CLASP1: variants seen among roughly 807,000 people sequenced by gnomAD.
CLASP1 encodes CLIP-associating protein 1.
CLASP1 carries 38 observed loss-of-function variants against 192.3 expected under a neutral mutation model. The ratio of observed to expected loss-of-function variants is 0.20; its 90% confidence interval spans 0.15 to 0.26. CLASP1 has a LOEUF of 0.26. Among genes scored for constraint, CLASP1 ranks in the 10% least tolerant of loss-of-function variants. The probability of loss-of-function intolerance (pLI) is 1.00; values close to 1 mark genes in which losing one functional copy is unlikely to be tolerated. For synonymous variants in CLASP1, 691 were observed against 712.8 expected, an observed-to-expected ratio of 0.97 and a Z score of 0.49; for missense variants, 1,433 against 1,932.5, an observed-to-expected ratio of 0.74 and a Z score of 4.85.
intron 2 of CLASP1, among the ~76,000 whole-genome samples, chr2:121,586,264 T>C (rs2061703387): frequency 6.6e-6 from 1 of 152,086 alleles, no homozygotes; most frequent in Non-Finnish European, 1.5e-5. Context: ...GTAGCTGGGA[T>C]TCCAGGCACA....
chr2:121,515,616 G>C, intron 7 of CLASP1, 49 bp downstream of exon 7: 1 of 1,384,770 alleles, frequency 7.2e-7, no homozygotes, highest in Non-Finnish European at 1.0e-6. Flanking sequence ...GAAAACAAAG[G>C]GGGCGGGGGG....
chr2:121,497,038 T>C (rs973422426), intron 8 of CLASP1, among the ~76,000 whole-genome samples: 2 of 149,588 alleles, frequency 1.3e-5, no homozygotes, highest in African/African-American at 2.5e-5. Context: ...CTCACAAAGG[T>C]AGAGATTAGA....
chr2:121,642,629 G>A (rs1476575346), intron 1 of CLASP1, among the ~76,000 whole-genome samples: 1 of 152,100 alleles, frequency 6.6e-6, no homozygotes, highest in Non-Finnish European at 1.5e-5. Flanking sequence ...CTACATGGGA[G>A]GCTGAGGCAG....
At chr2:121,585,741 T>C (rs977393648) in intron 2 of CLASP1, among the ~76,000 whole-genome samples, 13 of 151,706 alleles carry the variant, frequency 8.6e-5, no homozygotes, top group Admixed American at 8.5e-4. Context: ...CTACTAAAAA[T>C]ACAAAATTAG....
intron 19 of CLASP1, among the ~76,000 whole-genome samples, chr2:121,444,658 G>A (rs957964240): frequency 6.6e-6 from 1 of 152,158 alleles, no homozygotes; most frequent in Non-Finnish European, 1.5e-5. Context: ...TGACATCAAT[G>A]CTCCTCCCCA....
At chr2:121,405,065 T>A (rs1481850016) in intron 25 of CLASP1, among the ~76,000 whole-genome samples, 1 of 152,210 alleles carries the variant, frequency 6.6e-6, no homozygotes, top group Non-Finnish European at 1.5e-5. Context: ...TCCCAGCACT[T>A]TGGGAGGCCA....
At chr2:121,580,387 T>C (rs2060994459) in intron 2 of CLASP1, among the ~76,000 whole-genome samples, 1 of 152,234 alleles carries the variant, frequency 6.6e-6, no homozygotes, top group Non-Finnish European at 1.5e-5. Flanking sequence ...TATAAAATAA[T>C]GTATGCCTAT....
intron 8 of CLASP1, among the ~76,000 whole-genome samples, chr2:121,487,241 C>T (rs952649364): frequency 6.6e-6 from 1 of 152,192 alleles, no homozygotes; most frequent in Non-Finnish European, 1.5e-5. Flanking sequence ...TGAGGCCAAC[C>T]TAATTCGGGT....
At chr2:121,347,081 C>T in exon 39 of CLASP1, 3 of 1,585,872 alleles carry the variant, frequency 1.9e-6, no homozygotes, top group Non-Finnish European at 2.6e-6. Flanking sequence ...CAGGTCTTCT[C>T]CGATTACGGA....
chr2:121,399,866 C>T lies in CLASP1; in HGVS notation c.2901-1466G>A, dbSNP rs143646962. Among the ~76,000 whole-genome samples the T allele has an allele frequency of 6.6e-5, 10 of 152,302 alleles. No homozygotes were observed. In the East Asian group the frequency reaches 1.9e-3, roughly 29 times the overall value. ...TAAGCGACCTACAGGCCAAGTCTGG[C>T]TCACATGTGTTTTATTTGGCCTTCA... On this transcript the variant is annotated intron_variant, in intron 28 of 39. Coordinates refer to ENST00000263710, the Ensembl canonical transcript of CLASP1.
chr2:121,342,733 T>C (rs960945648), intron 39 of CLASP1, among the ~76,000 whole-genome samples: 2 of 152,012 alleles, frequency 1.3e-5, no homozygotes, highest in Non-Finnish European at 2.9e-5. Context: ...TTGAAACCAG[T>C]TCAAGACCAG....
chr2:121,639,879 A>G (rs2071695686), intron 1 of CLASP1, among the ~76,000 whole-genome samples: 2 of 151,892 alleles, frequency 1.3e-5, no homozygotes, highest in African/African-American at 2.4e-5. Flanking sequence ...AAAAAAAAAA[A>G]AAAGGATTAT....
At chr2:121,391,829 G>A (rs2074406372) in intron 30 of CLASP1, among the ~76,000 whole-genome samples, 1 of 152,138 alleles carries the variant, frequency 6.6e-6, no homozygotes, top group Non-Finnish European at 1.5e-5. Context: ...GCTGGAACCT[G>A]GGAGGTGGAG....
intron 7 of CLASP1, among the ~76,000 whole-genome samples, chr2:121,513,508 G>A (rs1055811210): frequency 6.6e-6 from 1 of 152,044 alleles, no homozygotes; most frequent in African/African-American, 2.4e-5. Flanking sequence ...AGCTGGAAAA[G>A]GTGGCTTTAA....
At chr2:121,597,025 G>GACCT (rs1258820327) in intron 2 of CLASP1, among the ~76,000 whole-genome samples, 2 of 152,154 alleles carry the variant, frequency 1.3e-5, no homozygotes, top group Admixed American at 1.3e-4. Context: ...AGACTGGACA[G>GACCT]ACCTAGACAG....
chr2:121,456,996 T>C (rs753743291), intron 14 of CLASP1, among the ~76,000 whole-genome samples: 2 of 152,238 alleles, frequency 1.3e-5, no homozygotes, highest in African/African-American at 2.4e-5. Context: ...AGAGGGTTCA[T>C]AGATTTTAAA....
intron 25 of CLASP1, among the ~76,000 whole-genome samples, chr2:121,406,567 C>T (rs2076938813): frequency 6.6e-6 from 1 of 152,050 alleles, no homozygotes; most frequent in Non-Finnish European, 1.5e-5. Context: ...AGAAGGGAAC[C>T]AAATATGGGG....
intron 8 of CLASP1, among the ~76,000 whole-genome samples, chr2:121,500,655 T>C (rs2093724457): frequency 6.6e-6 from 1 of 152,234 alleles, no homozygotes; most frequent in Non-Finnish European, 1.5e-5. Flanking sequence ...AACATTTTAC[T>C]GGTCTCTCAA....
At chr2:121,632,363 A>G (rs959275383) in intron 1 of CLASP1, among the ~76,000 whole-genome samples, 1 of 152,226 alleles carries the variant, frequency 6.6e-6, no homozygotes, top group Non-Finnish European at 1.5e-5. Flanking sequence ...CAAAATGTCA[A>G]CTTCTGGGAA....
Sources: gnomAD v4.1 joint callset for allele counts (sites outside exome capture counted in the v4.1 genomes callset) on GRCh38, gnomAD v4.1.1 for gene constraint, MANE v1.5 for transcripts, NCBI Gene and HGNC (gene_info 2026-07-23, HGNC 2026-07-21) for gene names.